Variants in ANK3 observed in about 807,000 individuals in gnomAD.
ANK3 encodes the protein ankyrin 3.
ANK3 carries 57 observed loss-of-function variants against 370.9 expected under a neutral mutation model. The observed-to-expected ratio is 0.15, with a 90% CI of 0.12 to 0.19. The LOEUF is 0.19. ANK3 is among the 10% of genes least tolerant of loss of function. ANK3 has a pLI of 1.00. For synonymous variants in ANK3, 1,929 were observed against 1,946.3 expected (o/e 0.99, Z 0.23); for missense variants, 4,439 against 5,302.1 (o/e 0.84, Z 5.06).
intron 2 of ANK3, among the ~76,000 whole-genome samples, chr10:60,551,789 A>C (rs2077093943): frequency 6.6e-6 from 1 of 152,156 alleles, no homozygotes; most frequent in South Asian, 2.1e-4. Context: ...ATAATAAGTA[A>C]AATAAACTGG....
At chr10:60,432,512 T>C (rs1411171800) in intron 2 of ANK3, among the ~76,000 whole-genome samples, 1 of 152,224 alleles carries the variant, frequency 6.6e-6, no homozygotes, top group Non-Finnish European at 1.5e-5. Context: ...AAGGTAAACA[T>C]CCTTATTGGC....
chr10:60,316,109 G>C (rs559875231), intron 1 of ANK3, among the ~76,000 whole-genome samples: 1 of 152,240 alleles, frequency 6.6e-6, no homozygotes, highest in African/African-American at 2.4e-5. Context: ...TCTGTGGAGA[G>C]AGACAGGGAG....
At chr10:60,386,750 C>A (rs2062395583) in intron 1 of ANK3, among the ~76,000 whole-genome samples, 1 of 152,174 alleles carries the variant, frequency 6.6e-6, no homozygotes, top group Non-Finnish European at 1.5e-5. Context: ...TCGTCTTTGG[C>A]CTTGCTCAAA....
chr10:60,244,756 C>T (rs1023740840), intron 7 of ANK3, among the ~76,000 whole-genome samples: 3 of 152,160 alleles, frequency 2.0e-5, no homozygotes, highest in African/African-American at 4.8e-5. Context: ...TCCTTGTTCA[C>T]GCTATAAACA....
chr10:60,486,222 AG>A (rs752726729), intron 2 of ANK3, among the ~76,000 whole-genome samples: 43 of 152,252 alleles, frequency 2.8e-4, no homozygotes, highest in African/African-American at 8.2e-4. Flanking sequence ...TCTAATAAAA[AG>A]AATAGTGAAT....
chr10:60,048,149 G>T (rs1297219719), intron 42 of ANK3, among the ~76,000 whole-genome samples: 1 of 152,178 alleles, frequency 6.6e-6, no homozygotes, highest in African/African-American at 2.4e-5. Flanking sequence ...CTTCCTCTGG[G>T]AGATACTTCC....
At chr10:60,557,984 C>T (rs1164978709) in intron 2 of ANK3, among the ~76,000 whole-genome samples, 2 of 152,136 alleles carry the variant, frequency 1.3e-5, no homozygotes, top group African/African-American at 2.4e-5. Flanking sequence ...AATTAGTAAA[C>T]AAGGTGGCTG....
intron 2 of ANK3, among the ~76,000 whole-genome samples, chr10:60,496,902 C>A (rs2075672853): frequency 6.6e-6 from 1 of 152,018 alleles, no homozygotes; most frequent in African/African-American, 2.4e-5. Flanking sequence ...TACTATTTAC[C>A]AAAATTATAC....
chr10:60,572,047 T>A (rs2077612761), intron 2 of ANK3, among the ~76,000 whole-genome samples: 1 of 152,164 alleles, frequency 6.6e-6, no homozygotes, highest in Admixed American at 6.5e-5. Context: ...TTTCTCTAAG[T>A]TTCCCTAAAA....
chr10:60,626,916 A>G (rs2078418959), intron 1 of ANK3, among the ~76,000 whole-genome samples: 1 of 152,080 alleles, frequency 6.6e-6, no homozygotes, highest in Admixed American at 6.6e-5. Context: ...CAGGAACAGA[A>G]TGGTTTTCGA....
At chr10:60,086,935 T>TTTC (rs59288815) in intron 29 of ANK3, 51 bp from the exon 30 acceptor site, 3 of 1,175,348 alleles carry the variant, frequency 2.6e-6, no homozygotes, top group South Asian at 3.8e-5. Context: ...TTTTTTTTTT[T>TTTC]CCCAATCATG....
intron 16 of ANK3, among the ~76,000 whole-genome samples, chr10:60,191,969 C>G (rs567846316): frequency 6.6e-6 from 1 of 152,004 alleles, no homozygotes; most frequent in African/African-American, 2.4e-5. Flanking sequence ...AGTGCAGTGG[C>G]GCGGTCTTGG....
intron 1 of ANK3, among the ~76,000 whole-genome samples, chr10:60,384,984 A>G (rs1338221450): frequency 6.6e-6 from 1 of 152,082 alleles, no homozygotes. Flanking sequence ...CTGGATCCCC[A>G]TCAGAGCTTC....
At chr10:60,630,267 C>A (rs2078464069) in intron 1 of ANK3, among the ~76,000 whole-genome samples, 1 of 152,018 alleles carries the variant, frequency 6.6e-6, no homozygotes, top group Non-Finnish European at 1.5e-5. Flanking sequence ...AAGAAAAAAA[C>A]TAAAATGTTT....
chr10:60,181,849 G>A (rs991408952), intron 17 of ANK3, among the ~76,000 whole-genome samples: 10 of 152,088 alleles, frequency 6.6e-5, no homozygotes, highest in Non-Finnish European at 1.5e-4. Context: ...TAGCACTGTG[G>A]CAACATGACT....
intron 1 of ANK3, among the ~76,000 whole-genome samples, chr10:60,299,076 T>C (rs1051849472): frequency 2.6e-5 from 4 of 152,198 alleles, no homozygotes; most frequent in African/African-American, 7.2e-5. Context: ...TTGACATTAA[T>C]GTCTGGCATT....
intron 1 of ANK3, among the ~76,000 whole-genome samples, chr10:60,710,322 T>C (rs1486108583): frequency 6.6e-6 from 1 of 152,154 alleles, no homozygotes; most frequent in Admixed American, 6.6e-5. Flanking sequence ...GTAATACAGG[T>C]AATTTTTATA....
chr10:60,324,535 G>C lies in ANK3; in HGVS notation c.115-44896C>G, dbSNP rs906308595. ...CCTGGAAGGAGCCTAAGTGAAGGCT[G>C]TTCTCAGTCTCCCTATCTCACAGAA... On this transcript the variant is annotated intron_variant, in intron 1 of 43. Transcript: ENST00000280772. Among the ~76,000 whole-genome samples the C allele has an allele frequency of 4.6e-5, 7 of 152,314 alleles. No individual in the cohort carries two copies. In the East Asian group the frequency reaches 1.3e-3, roughly 29 times the overall value.
chr10:60,395,614 T>TTCTC (rs2063215915), intron 2 of ANK3, among the ~76,000 whole-genome samples: 17 of 71,986 alleles, frequency 2.4e-4, no homozygotes, highest in African/African-American at 1.1e-3. Context: ...CTTTCTCTCT[T>TTCTC]TCGTTCTCTC....
Sources: allele counts gnomAD v4.1 joint callset (sites outside exome capture counted in the v4.1 genomes callset), GRCh38; gene constraint gnomAD v4.1.1; transcripts MANE v1.5; gene names NCBI Gene and HGNC (gene_info 2026-07-23, HGNC 2026-07-21).